The following NKAIN3 variants were observed in gnomAD, a reference collection of about 807,000 sequenced individuals.
NKAIN3 encodes the protein sodium/potassium transporting ATPase interacting 3, also known as sodium/potassium-transporting ATPase subunit beta-1-interacting protein 3.
NKAIN3 carries 25 observed loss-of-function variants against 30.2 expected under a neutral mutation model. The observed-to-expected ratio is 0.83, with a 90% CI of 0.60 to 1.16. The LOEUF is 1.16. Among genes scored for constraint, NKAIN3 ranks in the 50% most tolerant of loss-of-function variants. The pLI is 0.00. For synonymous variants in NKAIN3, 91 were observed against 89.6 expected (o/e 1.02, Z -0.09); for missense variants, 225 against 254.1 (o/e 0.89, Z 0.78).
At chr8:62,763,202 C>T (rs1316921992) in intron 4 of NKAIN3, among the ~76,000 whole-genome samples, 1 of 99,592 alleles carries the variant, frequency 1.0e-5, no homozygotes, top group African/African-American at 3.8e-5. Context: ...GCCTGGGCAA[C>T]AAGTGCGAGA....
intron 3 of NKAIN3, among the ~76,000 whole-genome samples, chr8:62,738,103 A>G (rs904696927): frequency 5.9e-5 from 9 of 152,134 alleles, no homozygotes; most frequent in African/African-American, 2.2e-4. Flanking sequence ...TGTCTTCCAC[A>G]ATGGTTGAAC....
At chr8:62,613,364 G>A (rs2130193904) in intron 3 of NKAIN3, among the ~76,000 whole-genome samples, 1 of 152,218 alleles carries the variant, frequency 6.6e-6, no homozygotes, top group South Asian at 2.1e-4. Context: ...AGCCTGTAAG[G>A]TTTTCACTGA....
chr8:62,410,550 A>G (rs1804206511), intron 1 of NKAIN3, among the ~76,000 whole-genome samples: 1 of 152,188 alleles, frequency 6.6e-6, no homozygotes, highest in Non-Finnish European at 1.5e-5. Context: ...GATACAAAAG[A>G]TCAGTGAAAC....
intron 5 of NKAIN3, chr8:62,990,465 T>C (rs1199549021): frequency 1.5e-6 from 1 of 648,498 alleles, no homozygotes; most frequent in Non-Finnish European, 2.1e-6. Context: ...CATTGCTTTG[T>C]ATAAAATGTT....
intron 3 of NKAIN3, among the ~76,000 whole-genome samples, chr8:62,710,580 T>C (rs1305601853): frequency 6.6e-6 from 1 of 152,182 alleles, no homozygotes; most frequent in Non-Finnish European, 1.5e-5. Context: ...AAATGCCTTT[T>C]TCTACCCCTT....
chr8:62,919,949 T>C (rs1822229477), intron 5 of NKAIN3, among the ~76,000 whole-genome samples: 2 of 151,620 alleles, frequency 1.3e-5, no homozygotes, highest in African/African-American at 4.8e-5. Context: ...AAAATTTCTG[T>C]CACTTGACAA....
In NKAIN3 at chr8:62,473,969, A is replaced by G. The variant is rs1806434970; in HGVS notation, c.55-105570A>G. On this transcript the variant is annotated intron_variant, in intron 1 of 6. Transcript: ENST00000623646. ...TTATTTTTATATCTGAAATTTTCCT[A>G]CCTGTGTCACTGTTTTGTATCGAGC... 2.0e-5 allele frequency: 3 copies of G among 152,070 alleles called. No homozygotes were observed. The South Asian group carries it at 6.2e-4, about 32-fold the overall frequency. The allele number at this position is 152,070 out of a possible 1,614,324, so 9.4% of individuals were successfully genotyped here.
intron 4 of NKAIN3, among the ~76,000 whole-genome samples, chr8:62,789,333 TTGTC>T (rs1817629033): frequency 6.6e-6 from 1 of 152,100 alleles, no homozygotes; most frequent in African/African-American, 2.4e-5. Flanking sequence ...GGCTCTCTGT[TTGTC>T]TGTTACTGGT....
intron 4 of NKAIN3, among the ~76,000 whole-genome samples, chr8:62,814,510 A>G (rs1818611201): frequency 1.3e-5 from 2 of 152,112 alleles, no homozygotes; most frequent in Non-Finnish European, 2.9e-5. Context: ...ATGTAAAAGA[A>G]CAGAAATGAT....
At chr8:62,605,166 A>G (rs918728247) in intron 3 of NKAIN3, among the ~76,000 whole-genome samples, 1 of 152,144 alleles carries the variant, frequency 6.6e-6, no homozygotes, top group Non-Finnish European at 1.5e-5. Context: ...TCTGTGGGTC[A>G]GAAGTCTCAT....
chr8:62,469,546 C>A (rs1055551893), intron 1 of NKAIN3, among the ~76,000 whole-genome samples: 1 of 152,164 alleles, frequency 6.6e-6, no homozygotes, highest in African/African-American at 2.4e-5. Context: ...CTTGTCAAGA[C>A]TGGCGCCCAA....
chr8:62,521,935 G>C (rs956507392), intron 1 of NKAIN3, among the ~76,000 whole-genome samples: 24 of 152,068 alleles, frequency 1.6e-4, no homozygotes, highest in African/African-American at 5.6e-4. Flanking sequence ...TAGGAATGAG[G>C]GACTAGAAGC....
intron 1 of NKAIN3, among the ~76,000 whole-genome samples, chr8:62,405,126 C>T (rs62509248): frequency 0.14 from 20,885 of 152,130 alleles, 1,732 homozygotes; most frequent in East Asian, 0.41. Flanking sequence ...AGCTAATACC[C>T]AAGTTGGAAT....
At chr8:62,701,253 G>T (rs1814321625) in intron 3 of NKAIN3, among the ~76,000 whole-genome samples, 2 of 152,180 alleles carry the variant, frequency 1.3e-5, no homozygotes, top group South Asian at 4.1e-4. Flanking sequence ...CAGCAGACCA[G>T]TGGAGTCTCA....
At chr8:62,845,770 T>A (rs1819671412) in intron 4 of NKAIN3, among the ~76,000 whole-genome samples, 1 of 152,100 alleles carries the variant, frequency 6.6e-6, no homozygotes, top group Admixed American at 6.6e-5. Context: ...GAACAGTGTA[T>A]TCGGAAAAGA....
At chr8:62,636,986 A>AT (rs909531930) in intron 3 of NKAIN3, among the ~76,000 whole-genome samples, 50 of 151,920 alleles carry the variant, frequency 3.3e-4, no homozygotes, top group African/African-American at 1.0e-3. Context: ...TTACGTGAAA[A>AT]TTTTTTTTCC....
At chr8:62,269,646 T>C (rs1308109521) in intron 1 of NKAIN3, among the ~76,000 whole-genome samples, 2 of 152,180 alleles carry the variant, frequency 1.3e-5, no homozygotes, top group African/African-American at 4.8e-5. Flanking sequence ...TTATCACATT[T>C]CTGAAAATGT....
rs1221112739 is a variant in NKAIN3, at chr8:62,746,981, G to T, written c.323G>T (p.Arg108Ile). The T allele has an allele frequency of 7.4e-6, 12 of 1,613,900 alleles. No individual in the cohort carries two copies. The highest frequency in any genetic ancestry group is 9.3e-6 in the Non-Finnish European group (11 of 1,179,798). Residue 108 changes from arginine (R) to isoleucine (I), a missense_variant, in exon 4 of 7, where the codon AGA becomes ATA. Coordinates refer to ENST00000623646, the MANE Select transcript of NKAIN3 (RefSeq NM_001304533.3). ...ATCTCTGTACATCGGTCATGGTGGA[G>T]AGAACATGGGCCTGGTTGTGTCAGA... ...FNISVHRSWW[R>I]EHGPGCVRRV... is the part of the protein sequence containing the mutation.
intron 1 of NKAIN3, among the ~76,000 whole-genome samples, chr8:62,535,492 G>A (rs1808629768): frequency 6.6e-6 from 1 of 152,136 alleles, no homozygotes; most frequent in Non-Finnish European, 1.5e-5. Context: ...TGAGCCTCCA[G>A]AACTTCTGAC....
Sources: allele counts gnomAD v4.1 joint callset (sites outside exome capture counted in the v4.1 genomes callset), GRCh38; gene constraint gnomAD v4.1.1; transcripts MANE v1.5; gene names NCBI Gene and HGNC (gene_info 2026-07-23, HGNC 2026-07-21).